APOBEC3A: variants seen among roughly 807,000 people sequenced by gnomAD.
The protein encoded by APOBEC3A is apolipoprotein B mRNA editing enzyme catalytic subunit 3A, also known as DNA dC->dU-editing enzyme APOBEC-3A.
APOBEC3A carries 13 observed loss-of-function variants against 23.0 expected under a neutral mutation model. That is an observed-to-expected ratio of 0.57 (90% CI 0.37 to 0.90). The LOEUF (loss-of-function observed/expected upper bound fraction) is 0.90, where lower values mean the gene tolerates loss of function less well. APOBEC3A is among the 40% of genes least tolerant of loss of function. APOBEC3A has a pLI of 0.01. For missense variants in APOBEC3A, 179 were observed against 264.9 expected (o/e 0.68, Z 2.25); for synonymous variants, 74 against 101.3 (o/e 0.73, Z 1.62).
rs1409928191 is a variant in APOBEC3A, at chr22:38,962,870, G to A, written c.*361G>A. 69 of 367,334 alleles carry A rather than the reference G, an allele frequency of 1.9e-4. 1 individual carries two copies. Among genetic ancestry groups the A allele is most frequent in the African/African-American group, 1.2e-3 (56 of 47,416 alleles). 22.8% of individuals were successfully genotyped at this position (367,334 alleles called of 1,614,324 possible). A position where few individuals can be genotyped will look rare whatever the true frequency, so the allele number is the denominator to read the frequency against. ...CTACTCTGGAGGCTGAGGCAGGAGAGTAGCGTGAACCCGGGAGGCAGAGCT... is the reference window on the plus strand; with the variant it reads ...CTACTCTGGAGGCTGAGGCAGGAGAATAGCGTGAACCCGGGAGGCAGAGCT... On this transcript the variant is annotated 3_prime_UTR_variant, in exon 5 of 5. Transcript: ENST00000249116.
intron 1 of APOBEC3A, among the ~76,000 whole-genome samples, chr22:38,958,444 CCTTT>C (rs940019480): frequency 2.1e-5 from 3 of 142,656 alleles, no homozygotes; most frequent in African/African-American, 5.3e-5. Context: ...CCAATATTTC[CCTTT>C]CTCTCTTCCT....
chr22:38,959,246 A>G (rs913029309), intron 1 of APOBEC3A, among the ~76,000 whole-genome samples: 1 of 152,132 alleles, frequency 6.6e-6, no homozygotes, highest in Non-Finnish European at 1.5e-5. Context: ...GTGAGGCCAC[A>G]GAATAAGACC....
chr22:38,963,053 A>G lies in APOBEC3A; in HGVS notation c.*544A>G, dbSNP rs1420492061. On this transcript the variant is annotated 3_prime_UTR_variant, in exon 5 of 5. Coordinates refer to ENST00000249116, the MANE Select transcript of APOBEC3A (RefSeq NM_145699.4). ...AGATTATGCTCAATATTCTCAGAATAATTTTCAATGTATTAATGAAATGAA... is the reference window on the plus strand; with the variant it reads ...AGATTATGCTCAATATTCTCAGAATGATTTTCAATGTATTAATGAAATGAA... The G allele has an allele frequency of 6.3e-6, 1 of 157,746 alleles. No homozygotes were observed. Among genetic ancestry groups the G allele is most frequent in the Non-Finnish European group, 1.4e-5 (1 of 72,222 alleles). 9.8% of individuals were successfully genotyped at this position (157,746 alleles called of 1,614,324 possible). A position where few individuals can be genotyped will look rare whatever the true frequency, so the allele number is the denominator to read the frequency against.
chr22:38,957,862 G>T (rs1922640071), intron 1 of APOBEC3A, 142 bp downstream of exon 1: 2 of 1,143,566 alleles, frequency 1.7e-6, no homozygotes, highest in Non-Finnish European at 2.5e-6. Flanking sequence ...CTTGCTCTAG[G>T]TTCCCAGTTT....
intron 2 of APOBEC3A, 33 bp downstream of exon 2, chr22:38,959,719 G>A (rs778773881): frequency 1.9e-6 from 3 of 1,603,934 alleles, no homozygotes; most frequent in Non-Finnish European, 1.7e-6. Flanking sequence ...TCCGGGCAGG[G>A]CCCTTCCAAT....
chr22:38,962,069 C>T (rs764187184), intron 3 of APOBEC3A, 29 bp from the exon 4 acceptor site: 45 of 1,592,732 alleles, frequency 2.8e-5, no homozygotes, highest in East Asian at 4.5e-5. Context: ...ACAGCGGGAG[C>T]GTGACTTATC....
At chr22:38,959,426 T>C in intron 1 of APOBEC3A, 116 bp from the exon 2 acceptor site, 1 of 1,244,472 alleles carries the variant, frequency 8.0e-7, no homozygotes, top group South Asian at 1.4e-5. Flanking sequence ...CTAAGGGATG[T>C]GCGGAGCAGG....
At chr22:38,959,003 T>C (rs932646405) in intron 1 of APOBEC3A, among the ~76,000 whole-genome samples, 1 of 152,078 alleles carries the variant, frequency 6.6e-6, no homozygotes, top group Non-Finnish European at 1.5e-5. Flanking sequence ...CCATCTCAAT[T>C]GCCTGAGAAG....
chr22:38,962,128 A>C lies in APOBEC3A; in HGVS notation c.500A>C (p.Asp167Ala). The part of the protein sequence containing the change: ...EFKHCWDTFV[D>A]HQGCPFQPWD... ...AAGCACTGCTGGGACACCTTTGTGG[A>C]CCACCAGGGATGTCCCTTCCAGCCC... is the stretch of plus-strand genomic sequence containing the variant. The change falls in exon 4 of 5, where the codon GAC becomes GCC. Residue 167 changes from aspartate (D) to alanine (A), a missense_variant. Physicochemically the swap from Asp to Ala is moderately radical, Grantham distance 126. Around this residue, in one of 5 missense-constraint regions of APOBEC3A, gnomAD observed 37 missense variants for 43.1 expected, o/e 0.86. Coordinates refer to ENST00000249116, the MANE Select transcript of APOBEC3A (RefSeq NM_145699.4). The C allele has an allele frequency of 5.0e-6, 8 of 1,612,478 alleles. No individual in the cohort carries two copies. Among genetic ancestry groups the C allele is most frequent in the Non-Finnish European group, 6.8e-6 (8 of 1,179,508 alleles).
chr22:38,958,420 TTCC>T (rs1163475850), intron 1 of APOBEC3A, among the ~76,000 whole-genome samples: 1 of 150,574 alleles, frequency 6.6e-6, no homozygotes, highest in African/African-American at 2.4e-5. Context: ...CCTTCTGTGC[TTCC>T]TTCCTTTCTT....
At position 38,957,675 on chromosome 22, in the gene APOBEC3A, C is replaced by T. The variant is rs11912424; in HGVS notation, c.-17C>T. On this transcript the variant is annotated 5_prime_UTR_variant, in exon 1 of 5. Coordinates refer to ENST00000249116, the MANE Select transcript of APOBEC3A (RefSeq NM_145699.4). ...GAGCGGGAGGACACAGACCAGGAAC[C>T]GAGAAGGGACAAGCACATGGAAGCC... is the stretch of plus-strand genomic sequence containing the variant. The T allele has an allele frequency of 5.0e-6, 8 of 1,612,246 alleles. No homozygotes were observed. The highest frequency in any genetic ancestry group is 4.5e-5 in the East Asian group (2 of 44,866).
rs572694836 is a variant in APOBEC3A at position 38,962,184 on chromosome 22, C to T, written c.556C>T (p.Leu186=). 444 of 1,613,606 alleles carry T rather than the reference C, an allele frequency of 2.8e-4. No individual in the cohort carries two copies. Among genetic ancestry groups the T allele is most frequent in the Non-Finnish European group, 3.6e-4 (427 of 1,180,002 alleles). ...TGGACTAGATGAGCACAGCCAAGCC[C>T]TGAGTGGGAGGCTGCGGGCCATTCT... The part of the protein sequence containing the change: ...WDGLDEHSQA[L]SGRLRAILQN... The change falls in exon 4 of 5, where the codon CTG becomes TTG. Residue 186 remains leucine (L), a synonymous_variant. Transcript: ENST00000249116.
chr22:38,961,668 C>T lies in APOBEC3A; in HGVS notation c.456C>T (p.Ile152=), dbSNP rs754053643. The T allele has an allele frequency of 2.0e-5, 29 of 1,462,638 alleles. 1 individual carries two copies. Among genetic ancestry groups the T allele is most frequent in the Non-Finnish European group, 2.7e-5 (29 of 1,073,500 alleles). The allele number at this position is 1,462,638 out of a possible 1,614,324, so 90.6% of individuals were successfully genotyped here. A position where few individuals can be genotyped will look rare whatever the true frequency, so the allele number is the denominator to read the frequency against. The part of the protein sequence containing the change: ...MLRDAGAQVS[I]MTYDEFKHCW... ...GGGATGCTGGGGCCCAAGTCTCCATCATGACCTACGATGGTAAGAATGGAA... is the reference window on the plus strand; with the variant it reads ...GGGATGCTGGGGCCCAAGTCTCCATTATGACCTACGATGGTAAGAATGGAA... Residue 152 remains isoleucine, a synonymous_variant, in exon 3 of 5, where the codon ATC becomes ATT. Transcript: ENST00000249116.
chr22:38,959,629 C>G lies in APOBEC3A; in HGVS notation c.117C>G (p.Arg39=). ...HKTYLCYEVE[R]LDNGTSVKMD... ...CCTACCTGTGCTACGAAGTGGAGCG[C>G]CTGGACAATGGCACCTCGGTCAAGA... Residue 39 remains arginine, a synonymous_variant, in exon 2 of 5, where the codon CGC becomes CGG. Coordinates refer to ENST00000249116, the MANE Select transcript of APOBEC3A (RefSeq NM_145699.4). The G allele has an allele frequency of 6.2e-7, 1 of 1,614,108 alleles. No individual in the cohort carries two copies. The highest frequency in any genetic ancestry group is 1.1e-5 in the South Asian group (1 of 91,082).
rs1318854957 is a variant in APOBEC3A at position 38,962,773 on chromosome 22, A to G, written c.*264A>G. 17 of 829,140 alleles carry G rather than the reference A, an allele frequency of 2.1e-5. 4 individuals are homozygous for G. The Admixed American group carries it at 4.3e-4, about 21-fold the overall frequency. The allele number at this position is 829,140 out of a possible 1,614,324, so 51.4% of individuals were successfully genotyped here. On this transcript the variant is annotated 3_prime_UTR_variant, in exon 5 of 5. Coordinates refer to ENST00000249116, the MANE Select transcript of APOBEC3A (RefSeq NM_145699.4). ...GGAGATCGAGACCATCCTGGCTAAC[A>G]CGGTGAAACCCTGTCTCTACTAAAA...
At chr22:38,961,785 T>C (rs1922903876) in intron 3 of APOBEC3A, 104 bp downstream of exon 3, 2 of 1,103,516 alleles carry the variant, frequency 1.8e-6, no homozygotes, top group South Asian at 3.2e-5. Context: ...AAACGATGGC[T>C]GGACTCTGGG....
At chr22:38,958,316 TTCTCTCTCTCTTTCTTTCTTCTTTCTTTC>T (rs1372469004) in intron 1 of APOBEC3A, among the ~76,000 whole-genome samples, 2 of 150,284 alleles carry the variant, frequency 1.3e-5, no homozygotes, top group East Asian at 4.0e-4. Context: ...CTTCCTTCAA[TTCTCTCTCTCTTTCTTTCTTCTTTCTTTC>T]TCTCTCTCTC....
rs780760109 is a variant in APOBEC3A at position 38,957,734 on chromosome 22, CT to C, written c.29+15del. On this transcript the variant is annotated intron_variant, in intron 1 of 4. Coordinates refer to ENST00000249116, the MANE Select transcript of APOBEC3A (RefSeq NM_145699.4). ...ATCCGGGCCCAGGTATGGGAAGCCC[CT>C]CCGAGCACCTCTGCGCCTCAGCCTC... The C allele has an allele frequency of 1.9e-6, 3 of 1,610,590 alleles. No homozygotes were observed. The East Asian group carries it at 6.7e-5, about 36-fold the overall frequency.
At chr22:38,960,219 C>T (rs1922816355) in intron 2 of APOBEC3A, among the ~76,000 whole-genome samples, 2 of 152,298 alleles carry the variant, frequency 1.3e-5, no homozygotes, top group East Asian at 3.9e-4. Context: ...CTTCCCTGGC[C>T]CCTACCCAGC....
Sources: gnomAD v4.1 joint callset for allele counts (sites outside exome capture counted in the v4.1 genomes callset) on GRCh38, gnomAD v4.1.1 for gene constraint, gnomAD v4.1.1 regional missense constraint, MANE v1.5 for transcripts, NCBI Gene and HGNC (gene_info 2026-07-23, HGNC 2026-07-21) for gene names.